Variants in CHLSN observed in about 807,000 individuals in gnomAD.
CHLSN encodes the protein cholesin.
chr7:1,034,419 A>C, the CHLSN span, among the ~76,000 whole-genome samples: 2 of 151,964 alleles, frequency 1.3e-5, no homozygotes, highest in African/African-American at 4.8e-5. Flanking sequence ...TAAAGACAAG[A>C]TTATTCTAAA....
At chr7:1,016,671 G>C in the CHLSN span, among the ~76,000 whole-genome samples, 1 of 113,524 alleles carries the variant, frequency 8.8e-6, no homozygotes, top group Non-Finnish European at 1.8e-5. Flanking sequence ...GCGCACAGCA[G>C]CACACGCCAG....
the CHLSN span, among the ~76,000 whole-genome samples, chr7:1,066,178 G>A: frequency 1.0e-3 from 154 of 152,340 alleles, 1 homozygote; most frequent in African/African-American, 3.5e-3. Flanking sequence ...ATGGCGCTGC[G>A]GGGTCCCGGC....
the CHLSN span, among the ~76,000 whole-genome samples, chr7:998,058 A>G: frequency 1.3e-5 from 2 of 152,254 alleles, no homozygotes; most frequent in South Asian, 2.1e-4. Flanking sequence ...TTTCACAAAC[A>G]TCGTAAAAAT....
the CHLSN span, chr7:988,701 T>G: frequency 3.6e-4 from 575 of 1,599,784 alleles, no homozygotes; most frequent in Admixed American, 8.0e-4. Flanking sequence ...GCCGGCCTCC[T>G]GCAGAGGTAC....
the CHLSN span, among the ~76,000 whole-genome samples, chr7:1,128,729 C>G: frequency 1.0e-4 from 3 of 29,920 alleles, no homozygotes; most frequent in East Asian, 6.4e-4. Flanking sequence ...TCGGCTCATC[C>G]CACCCTGTCA....
chr7:1,010,244 CA>C, the CHLSN span: 18 of 1,088,298 alleles, frequency 1.7e-5, no homozygotes, highest in Non-Finnish European at 2.2e-5. Flanking sequence ...CAGTAGTGGC[CA>C]AAAGCTCTGT....
chr7:1,048,384 G>C, the CHLSN span, among the ~76,000 whole-genome samples: 2 of 152,104 alleles, frequency 1.3e-5, no homozygotes, highest in African/African-American at 2.4e-5. Context: ...TCCTCTGCTG[G>C]TTTCTGTTTC....
the CHLSN span, chr7:1,093,960 G>A: frequency 9.3e-6 from 3 of 322,440 alleles, no homozygotes; most frequent in Non-Finnish European, 1.8e-5. Flanking sequence ...CTCTGAGTCC[G>A]GCCAGCCGGA....
At chr7:1,133,207 C>A in the CHLSN span, among the ~76,000 whole-genome samples, 1 of 152,080 alleles carries the variant, frequency 6.6e-6, no homozygotes, top group African/African-American at 2.4e-5. Flanking sequence ...TGCAAAATTC[C>A]ACTTCTGTGA....
At chr7:1,113,381 G>C in the CHLSN span, among the ~76,000 whole-genome samples, 1 of 152,202 alleles carries the variant, frequency 6.6e-6, no homozygotes. Flanking sequence ...CCCAGAAGGC[G>C]CCGCCCGGGC....
the CHLSN span, among the ~76,000 whole-genome samples, chr7:1,017,772 G>A: frequency 2.1e-4 from 32 of 152,228 alleles, no homozygotes; most frequent in Admixed American, 2.6e-4. Context: ...GGCAGCTGCG[G>A]ACGGCAGGGT....
At chr7:1,011,987 C>A in the CHLSN span, among the ~76,000 whole-genome samples, 3 of 152,314 alleles carry the variant, frequency 2.0e-5, no homozygotes, top group African/African-American at 7.2e-5. Context: ...TGTGGACACC[C>A]CCAGGGGAGC....
chr7:1,036,097 A>T, the CHLSN span, among the ~76,000 whole-genome samples: 5 of 152,182 alleles, frequency 3.3e-5, no homozygotes, highest in Non-Finnish European at 7.4e-5. Flanking sequence ...CGTGGTGGTC[A>T]GTGGTGGTGG....
the CHLSN span, among the ~76,000 whole-genome samples, chr7:1,019,211 ACGG>A: frequency 0.042 from 1,825 of 43,762 alleles, 150 homozygotes; most frequent in African/African-American, 0.14. Context: ...AAAAAAAAAA[ACGG>A]GGGGGGGGGA....
At chr7:1,077,905 G>A in the CHLSN span, 6 of 152,272 alleles carry the variant, frequency 3.9e-5, no homozygotes, top group South Asian at 2.1e-4. Context: ...CAGCCCCAGC[G>A]CGGCCTCGGC....
chr7:1,015,444 T>C, the CHLSN span, among the ~76,000 whole-genome samples: 5 of 152,234 alleles, frequency 3.3e-5, no homozygotes, highest in African/African-American at 7.2e-5. Flanking sequence ...TCATGCAAGC[T>C]GTCAGCTGCC....
the CHLSN span, among the ~76,000 whole-genome samples, chr7:1,016,859 A>ACGC: frequency 9.1e-4 from 48 of 52,640 alleles, 10 homozygotes; most frequent in African/African-American, 4.4e-3. Context: ...ACAGCAGCAC[A>ACGC]CAGCACACAG....
chr7:1,085,517 T>G, the CHLSN span, among the ~76,000 whole-genome samples: 2 of 151,874 alleles, frequency 1.3e-5, no homozygotes, highest in East Asian at 3.9e-4. Flanking sequence ...TGAAGGAGGG[T>G]GACCTAAGAT....
At chr7:1,057,699 C>T in the CHLSN span, 6 of 774,470 alleles carry the variant, frequency 7.7e-6, no homozygotes, top group African/African-American at 1.7e-5. Context: ...CATGACCATG[C>T]CGGACGTGTA....
Sources: allele counts gnomAD v4.1 joint callset (sites outside exome capture counted in the v4.1 genomes callset), GRCh38; gene constraint gnomAD v4.1.1; transcripts MANE v1.5; gene names NCBI Gene and HGNC (gene_info 2026-07-23, HGNC 2026-07-21).